The following TSPEAR variants were observed in gnomAD, a reference collection of about 807,000 sequenced individuals.
TSPEAR encodes the protein thrombospondin-type laminin G domain and EAR repeat-containing protein.
A neutral mutation model predicts 71.6 loss-of-function variants in TSPEAR; 69 were observed. That is an observed-to-expected ratio of 0.96 (90% CI 0.79 to 1.18). The LOEUF is 1.18. Ranked by LOEUF, TSPEAR falls within the 50% of genes most tolerant of loss-of-function variation. TSPEAR has a pLI of 0.00. For missense variants in TSPEAR, 971 were observed against 894.9 expected (o/e 1.09, Z -1.09); for synonymous variants, 402 against 387.2 (o/e 1.04, Z -0.45).
At chr21:44,651,535 T>C (rs1250640626) in intron 1 of TSPEAR, among the ~76,000 whole-genome samples, 3 of 152,112 alleles carry the variant, frequency 2.0e-5, no homozygotes, top group African/African-American at 7.2e-5. Flanking sequence ...CTTCTGGAAA[T>C]GGCTCGAGCC....
At chr21:44,551,084 G>A (rs1431424014) in intron 2 of TSPEAR, 2 of 1,573,946 alleles carry the variant, frequency 1.3e-6, no homozygotes, top group African/African-American at 2.7e-5. Flanking sequence ...CTGGCTGGCA[G>A]CTAGACTGCT....
intron 1 of TSPEAR, chr21:44,628,130 A>G (rs1368483633): frequency 2.0e-6 from 3 of 1,517,414 alleles, no homozygotes; most frequent in Non-Finnish European, 2.7e-6. Flanking sequence ...ACCCAGCCTC[A>G]GCACAGCTCA....
chr21:44,586,929 A>G (rs1385172865), intron 1 of TSPEAR, among the ~76,000 whole-genome samples: 2 of 152,244 alleles, frequency 1.3e-5, no homozygotes, highest in African/African-American at 4.8e-5. Context: ...CACAGCCAAC[A>G]TAACACTGAA....
chr21:44,668,170 C>CA (rs1555945258), intron 1 of TSPEAR, among the ~76,000 whole-genome samples: 1 of 152,174 alleles, frequency 6.6e-6, no homozygotes, highest in East Asian at 1.9e-4. Flanking sequence ...AAATATTCCA[C>CA]ACACAAAAAT....
chr21:44,525,765 G>A lies in TSPEAR; in HGVS notation c.1224C>T (p.His408=). The change falls in exon 8 of 12, where the codon CAC becomes CAT. Residue 408 remains histidine (H), a synonymous_variant. Coordinates refer to ENST00000323084, the MANE Select transcript of TSPEAR (RefSeq NM_144991.3). The stretch of plus-strand genomic sequence containing the variant: ...GATATGGGGTAAACTTCAGCTTTCT[G>A]TGGCTCCATTTGTAAATGACAGAGA... ...QEFSVIYKWS[H]RKLKFTPYQS... 6.2e-7 allele frequency: 1 copy of A among 1,614,102 alleles called. No homozygotes were observed. Among genetic ancestry groups the A allele is most frequent in the African/African-American group, 1.3e-5 (1 of 75,024 alleles).
chr21:44,523,019 CAGTT>C (rs1209976403), intron 8 of TSPEAR, among the ~76,000 whole-genome samples: 5 of 152,064 alleles, frequency 3.3e-5, no homozygotes, highest in African/African-American at 9.7e-5. Context: ...GTCACTGAAA[CAGTT>C]AGTCAAGTAG....
intron 2 of TSPEAR, among the ~76,000 whole-genome samples, chr21:44,554,776 G>A (rs1981826314): frequency 6.6e-6 from 1 of 152,134 alleles, no homozygotes; most frequent in South Asian, 2.1e-4. Flanking sequence ...TGTTCCTTCT[G>A]CCATCTTTAA....
chr21:44,637,470 G>C, intron 1 of TSPEAR: 2 of 1,613,182 alleles, frequency 1.2e-6, no homozygotes, highest in African/African-American at 1.3e-5. Flanking sequence ...GACTCTTGGC[G>C]GGTAGTCGAC....
chr21:44,538,054 G>A (rs1555916558), intron 2 of TSPEAR, among the ~76,000 whole-genome samples: 1 of 152,192 alleles, frequency 6.6e-6, no homozygotes, highest in Non-Finnish European at 1.5e-5. Context: ...TTCTGTGCCT[G>A]TTCTGACCAC....
intron 6 of TSPEAR, 59 bp from the exon 7 acceptor site, chr21:44,527,577 T>G (rs2052882963): frequency 6.4e-7 from 1 of 1,559,604 alleles, no homozygotes; most frequent in Non-Finnish European, 8.8e-7. Flanking sequence ...TCCAGAGCAA[T>G]CCTCGCGGGA....
At chr21:44,678,926 C>T (rs180931932) in intron 1 of TSPEAR, among the ~76,000 whole-genome samples, 128 of 152,322 alleles carry the variant, frequency 8.4e-4, no homozygotes, top group African/African-American at 2.8e-3. Flanking sequence ...TTCTAGTTAA[C>T]CTGTTCTGGG....
rs138106891 is a variant in TSPEAR at position 44,499,360 on chromosome 21, C to T, written c.*423G>A. 13 of 175,162 alleles carry T rather than the reference C, an allele frequency of 7.4e-5. No individual in the cohort carries two copies. In the East Asian group the frequency reaches 2.0e-3, roughly 26 times the overall value. The allele number at this position is 175,162 out of a possible 1,614,324, so 10.9% of individuals were successfully genotyped here. A position where few individuals can be genotyped will look rare whatever the true frequency, so the allele number is the denominator to read the frequency against. ...CAGATAAAACACAATAAATAGGTGG[C>T]GGCAATGGCGGGACGGCACCACACC... On this transcript the variant is annotated 3_prime_UTR_variant, in exon 12 of 12. Transcript: ENST00000323084.
intron 1 of TSPEAR, among the ~76,000 whole-genome samples, chr21:44,696,476 T>A (rs140919156): frequency 3.3e-5 from 5 of 152,316 alleles, no homozygotes; most frequent in Non-Finnish European, 7.3e-5. Context: ...CAGCCCCTAC[T>A]TTACAAGGTT....
At chr21:44,558,165 C>A in intron 2 of TSPEAR, 5 of 1,611,290 alleles carry the variant, frequency 3.1e-6, no homozygotes, top group Non-Finnish European at 4.2e-6. Context: ...GCTGGGCTGG[C>A]AGGTGGAGGC....
At chr21:44,708,083 G>C (rs58890326) in intron 1 of TSPEAR, among the ~76,000 whole-genome samples, 1 of 151,640 alleles carries the variant, frequency 6.6e-6, no homozygotes, top group East Asian at 1.9e-4. Context: ...GAGAGAGAGC[G>C]AGCGAGAGAG....
In TSPEAR at chr21:44,593,494, T is replaced by C. The variant is rs1980139894; in HGVS notation, c.83-25489A>G. Among the ~76,000 whole-genome samples, 1 of 152,300 alleles carries C rather than the reference T, an allele frequency of 6.6e-6. No individual in the cohort carries two copies. Among genetic ancestry groups the C allele is most frequent in the East Asian group, 1.9e-4 (1 of 5,182 alleles). On this transcript the variant is annotated intron_variant, in intron 1 of 11. Transcript: ENST00000323084. The surrounding 1 kb of genome is among the most constrained non-coding windows in gnomAD (Gnocchi z 5.9). ...CCAGTGTAAACGAAACATAAAATCC[T>C]AAGCCCCTCAACTGACTAAATGGAT...
chr21:44,589,042 G>A (rs587684333), intron 1 of TSPEAR, among the ~76,000 whole-genome samples: 1 of 152,188 alleles, frequency 6.6e-6, no homozygotes, highest in African/African-American at 2.4e-5. Flanking sequence ...ACTACAAATA[G>A]GGTGCAGTGT....
chr21:44,707,304 G>GGGGT (rs1555952613), intron 1 of TSPEAR, among the ~76,000 whole-genome samples: 3 of 151,940 alleles, frequency 2.0e-5, no homozygotes, highest in Admixed American at 6.6e-5. Flanking sequence ...ACGCGGGGTG[G>GGGGT]GGGGGGGTGC....
intron 1 of TSPEAR, chr21:44,666,881 A>T: frequency 1.2e-6 from 2 of 1,613,230 alleles, no homozygotes; most frequent in Non-Finnish European, 1.7e-6. Context: ...AGCTGGTATG[A>T]CACATGGTGG....
Sources: allele counts gnomAD v4.1 joint callset (sites outside exome capture counted in the v4.1 genomes callset), GRCh38; gene constraint gnomAD v4.1.1; non-coding constraint Gnocchi (gnomAD v3.1); transcripts MANE v1.5; gene names NCBI Gene and HGNC (gene_info 2026-07-23, HGNC 2026-07-21).